Variants in MAP3K7CL observed in about 807,000 individuals in gnomAD.
The protein encoded by MAP3K7CL is MAP3K7 C-terminal-like protein.
In MAP3K7CL, 16 loss-of-function variants were observed where a neutral mutation model predicts 18.6. The observed-to-expected ratio is 0.86, with a 90% CI of 0.58 to 1.31. The LOEUF is 1.31. Ranked by LOEUF, MAP3K7CL falls within the 50% of genes most tolerant of loss-of-function variation. The probability of loss-of-function intolerance (pLI) is 0.00; values close to 1 mark genes in which losing one functional copy is unlikely to be tolerated. For missense variants in MAP3K7CL, 163 were observed against 174.4 expected (o/e 0.93, Z 0.37); for synonymous variants, 65 against 66.8 (o/e 0.97, Z 0.13).
At chr21:29,148,112 CTGTA>C (rs1052614794) in intron 2 of MAP3K7CL, among the ~76,000 whole-genome samples, 16 of 150,904 alleles carry the variant, frequency 1.1e-4, no homozygotes, top group African/African-American at 3.9e-4. Context: ...TGTAGGTATA[CTGTA>C]TGTGTGTCTG....
chr21:29,118,674 A>C (rs1207727440), intron 4 of MAP3K7CL, among the ~76,000 whole-genome samples: 1 of 152,248 alleles, frequency 6.6e-6, no homozygotes, highest in African/African-American at 2.4e-5. Flanking sequence ...ATAGTATCTG[A>C]AAACACTGAG....
At chr21:29,124,614 A>C (rs567810858) in intron 4 of MAP3K7CL, among the ~76,000 whole-genome samples, 68 of 152,118 alleles carry the variant, frequency 4.5e-4, no homozygotes, top group African/African-American at 1.6e-3. Flanking sequence ...GGGTCCAAAA[A>C]CTCTGAGGAT....
rs572900642 is a variant in MAP3K7CL, at chr21:29,101,159, G to T, written c.370+8578G>T. Reference sequence around the variant, plus strand: ...CAGCAATCTGGGTGTGGCTTCGCTGGATACCTCAGGCTCAGCATCTACTAC... The same window carrying T: ...CAGCAATCTGGGTGTGGCTTCGCTGTATACCTCAGGCTCAGCATCTACTAC... On this transcript the variant is annotated intron_variant, in intron 4 of 6. Transcript: ENST00000286791. Among the ~76,000 whole-genome samples the T allele has an allele frequency of 7.9e-5, 12 of 152,158 alleles. No homozygotes were observed. The East Asian group carries it at 2.3e-3, about 29-fold the overall frequency.
chr21:29,109,814 T>TTA, intron 4 of MAP3K7CL: 1 of 983,434 alleles, frequency 1.0e-6, no homozygotes, highest in African/African-American at 1.7e-5. Context: ...CTGCTGCTTC[T>TTA]TATATATATA....
At chr21:29,138,473 G>C (rs2086931242) in intron 2 of MAP3K7CL, among the ~76,000 whole-genome samples, 1 of 152,196 alleles carries the variant, frequency 6.6e-6, no homozygotes, top group Admixed American at 6.5e-5. Context: ...AGGGAATTTA[G>C]AGTTGGACAG....
intron 4 of MAP3K7CL, among the ~76,000 whole-genome samples, chr21:29,170,446 A>G (rs1360618547): frequency 6.6e-6 from 1 of 152,164 alleles, no homozygotes; most frequent in Non-Finnish European, 1.5e-5. Flanking sequence ...GGAGTTTTAC[A>G]TGAGGTTAGA....
At chr21:29,115,451 A>G (rs1393141882) in intron 4 of MAP3K7CL, among the ~76,000 whole-genome samples, 2 of 152,230 alleles carry the variant, frequency 1.3e-5, no homozygotes, top group Non-Finnish European at 2.9e-5. Context: ...AATTGCAGAA[A>G]TATCAGGGAA....
chr21:29,109,105 A>G, intron 4 of MAP3K7CL: 1 of 1,535,354 alleles, frequency 6.5e-7, no homozygotes, highest in Non-Finnish European at 8.7e-7. Context: ...TTTCCAAATT[A>G]TGAAGACCAC....
chr21:29,102,255 CA>C (rs1300515268), intron 4 of MAP3K7CL, among the ~76,000 whole-genome samples: 1 of 152,174 alleles, frequency 6.6e-6, no homozygotes, highest in East Asian at 1.9e-4. Context: ...GTGCAGTGCA[CA>C]AAAGGTACAA....
intron 4 of MAP3K7CL, among the ~76,000 whole-genome samples, chr21:29,106,808 A>C (rs2086330465): frequency 6.6e-6 from 1 of 152,206 alleles, no homozygotes; most frequent in Admixed American, 6.5e-5. Context: ...CTGTTGGAGC[A>C]GGCCTCTGCC....
At chr21:29,138,719 T>C (rs1320085457) in intron 2 of MAP3K7CL, among the ~76,000 whole-genome samples, 1 of 152,178 alleles carries the variant, frequency 6.6e-6, no homozygotes, top group African/African-American at 2.4e-5. Context: ...CGGTGGCTCA[T>C]ACCTATAATC....
chr21:29,105,230 A>G (rs775672672), intron 4 of MAP3K7CL, among the ~76,000 whole-genome samples: 2 of 152,168 alleles, frequency 1.3e-5, no homozygotes, highest in African/African-American at 2.4e-5. Context: ...GGAATGCTAT[A>G]TTGAAAAAGG....
At chr21:29,093,097 T>A (rs773692089) in intron 4 of MAP3K7CL, among the ~76,000 whole-genome samples, 1 of 152,102 alleles carries the variant, frequency 6.6e-6, no homozygotes, top group Non-Finnish European at 1.5e-5. Flanking sequence ...AGAGATGGGG[T>A]TTCACCATGT....
At chr21:29,084,714 C>T (rs1428999752), upstream of MAP3K7CL, among the ~76,000 whole-genome samples, 2 of 152,134 alleles carry the variant, frequency 1.3e-5, no homozygotes, top group Non-Finnish European at 2.9e-5. Context: ...CCAAATGCAC[C>T]ATCGAGGTGA....
chr21:29,121,157 T>G (rs1450026429), intron 4 of MAP3K7CL, among the ~76,000 whole-genome samples: 5 of 150,856 alleles, frequency 3.3e-5, no homozygotes, highest in Non-Finnish European at 7.4e-5. Context: ...CTCTACCCAT[T>G]ATCTACAGTG....
At chr21:29,123,648 T>C (rs2086635614) in intron 4 of MAP3K7CL, among the ~76,000 whole-genome samples, 1 of 152,210 alleles carries the variant, frequency 6.6e-6, no homozygotes, top group African/African-American at 2.4e-5. Context: ...TGATTAAAAA[T>C]TTAAAAATTA....
At chr21:29,151,704 A>C (rs751458362) in intron 3 of MAP3K7CL, among the ~76,000 whole-genome samples, 4 of 152,254 alleles carry the variant, frequency 2.6e-5, no homozygotes, top group Non-Finnish European at 4.4e-5. Context: ...CATTAATTCT[A>C]CTTTTTTTGT....
chr21:29,108,938 T>G (rs950932890), intron 4 of MAP3K7CL: 7 of 1,033,130 alleles, frequency 6.8e-6, no homozygotes, highest in Non-Finnish European at 9.6e-6. Context: ...GAGAAATGCA[T>G]GAATGCTTTG....
intron 4 of MAP3K7CL, among the ~76,000 whole-genome samples, chr21:29,099,391 C>G (rs1335760736): frequency 6.6e-6 from 1 of 151,396 alleles, no homozygotes; most frequent in Non-Finnish European, 1.5e-5. Context: ...AGGCATGAGC[C>G]ACTGCGCCCA....
Sources: allele counts gnomAD v4.1 joint callset (sites outside exome capture counted in the v4.1 genomes callset), GRCh38; gene constraint gnomAD v4.1.1; transcripts MANE v1.5; gene names NCBI Gene and HGNC (gene_info 2026-07-23, HGNC 2026-07-21).